Variants in CCZ1B observed in about 807,000 individuals in gnomAD.
CCZ1B encodes vacuolar fusion protein CCZ1 homolog B.
Under a neutral mutation model 58.8 loss-of-function variants are expected in CCZ1B, and 25 were observed. The ratio of observed to expected loss-of-function variants is 0.43; its 90% CI spans 0.31 to 0.59. The LOEUF is 0.59. Ranked by LOEUF, CCZ1B falls within the 20% of genes least tolerant of loss-of-function variation. The pLI, the probability that CCZ1B is intolerant of heterozygous loss-of-function variation, is 0.12. For missense variants in CCZ1B, 180 were observed against 501.5 expected (o/e 0.36, Z 6.12); for synonymous variants, 66 against 173.2 (o/e 0.38, Z 4.86).
At chr7:6,823,392 G>C (rs1449858292) in intron 4 of CCZ1B, 32 bp from the exon 5 acceptor site, 1 of 1,604,816 alleles carries the variant, frequency 6.2e-7, no homozygotes, top group Admixed American at 1.7e-5. Flanking sequence ...ACACAGCTCA[G>C]TTCAAGGGAA....
intron 7 of CCZ1B, among the ~76,000 whole-genome samples, chr7:6,818,223 T>C (rs1287532740): frequency 6.7e-6 from 1 of 149,670 alleles, no homozygotes; most frequent in Non-Finnish European, 1.5e-5. Flanking sequence ...ACTTACCTTA[T>C]AGTAGTACCA....
At chr7:6,810,337 G>A (rs1438491301) in intron 10 of CCZ1B, among the ~76,000 whole-genome samples, 1 of 149,092 alleles carries the variant, frequency 6.7e-6, no homozygotes, top group Non-Finnish European at 1.5e-5. Flanking sequence ...TGTCTTATCT[G>A]TGGTTGACAG....
intron 5 of CCZ1B, 26 bp downstream of exon 5, chr7:6,823,287 G>A: frequency 6.2e-7 from 1 of 1,604,968 alleles, no homozygotes; most frequent in Non-Finnish European, 8.5e-7. Context: ...GTTGGACTCT[G>A]AGTTGAGAAA....
chr7:6,820,922 A>T (rs1783099069), intron 6 of CCZ1B, among the ~76,000 whole-genome samples: 1 of 147,970 alleles, frequency 6.8e-6, no homozygotes, highest in African/African-American at 2.6e-5. Flanking sequence ...TCTCAAAAAA[A>T]AAAAAAAAAA....
At chr7:6,800,781 GT>G (rs1782755461) in intron 14 of CCZ1B, among the ~76,000 whole-genome samples, 166 bp downstream of exon 14, 1 of 131,554 alleles carries the variant, frequency 7.6e-6, no homozygotes, top group Non-Finnish European at 1.6e-5. Flanking sequence ...GGAAGGTCTT[GT>G]CATAGTTTTC....
At chr7:6,810,178 A>C (rs1353635823) in intron 10 of CCZ1B, among the ~76,000 whole-genome samples, 1 of 148,804 alleles carries the variant, frequency 6.7e-6, no homozygotes, top group Non-Finnish European at 1.5e-5. Context: ...CACCTGGCTG[A>C]TTTTTTGTAT....
rs548089447 is a variant in CCZ1B, at chr7:6,813,818, G to A, written c.781-781C>T. 8.4e-5 allele frequency among the ~76,000 whole-genome samples: 12 copies of A among 143,416 alleles called. 1 individual carries two copies. Among genetic ancestry groups the A allele is most frequent in the East Asian group, 3.9e-4 (2 of 5,112 alleles). 94.1% of individuals were successfully genotyped at this position (143,416 alleles called of 152,430 possible). A position where few individuals can be genotyped will look rare whatever the true frequency, so the allele number is the denominator to read the frequency against. Reference sequence around the variant, plus strand: ...CAGGTTGATTGTTTTAAAGATCACTGGCATTTTAAAGGTTTCTAGAACCCA... The same window carrying A: ...CAGGTTGATTGTTTTAAAGATCACTAGCATTTTAAAGGTTTCTAGAACCCA... On this transcript the variant is annotated intron_variant, in intron 8 of 14. Transcript: ENST00000316731.
intron 6 of CCZ1B, among the ~76,000 whole-genome samples, chr7:6,821,735 A>AG (rs1298344021): frequency 6.6e-5 from 10 of 150,598 alleles, no homozygotes. Flanking sequence ...TTAAAAAAAA[A>AG]GATAAACTGA....
rs1164782808 is a variant in CCZ1B, at chr7:6,811,849, T to C, written c.954+103A>G. On this transcript the variant is annotated intron_variant, in intron 10 of 14. Coordinates refer to ENST00000316731, the MANE Select transcript of CCZ1B (RefSeq NM_198097.5). Reference sequence around the variant, plus strand: ...ACCATAATCAGAACTTCCAATATCTTTTCCAAGAAACATTTAAGAGGTTTG... The same window carrying C: ...ACCATAATCAGAACTTCCAATATCTCTTCCAAGAAACATTTAAGAGGTTTG... The C allele has an allele frequency of 3.1e-6, 3 of 961,302 alleles. 1 individual carries two copies. Among genetic ancestry groups the C allele is most frequent in the Admixed American group, 5.9e-5 (2 of 34,172 alleles). The allele number at this position is 961,302 out of a possible 1,614,324, so 59.5% of individuals were successfully genotyped here. A position where few individuals can be genotyped will look rare whatever the true frequency, so the allele number is the denominator to read the frequency against.
Position 6,824,073 on chromosome 7 carries a change from A to G in CCZ1B, c.390+16T>C. The G allele has an allele frequency of 1.5e-6, 2 of 1,369,382 alleles. No individual in the cohort carries two copies. Among genetic ancestry groups the G allele is most frequent in the Non-Finnish European group, 2.0e-6 (2 of 1,015,610 alleles). The allele number at this position is 1,369,382 out of a possible 1,614,324, so 84.8% of individuals were successfully genotyped here. A position where few individuals can be genotyped will look rare whatever the true frequency, so the allele number is the denominator to read the frequency against. ...ATTTAAAAAAATAAATAAATAAACA[A>G]ACAATGACACATTACCAACAACTCC... On this transcript the variant is annotated intron_variant, in intron 4 of 14. Transcript: ENST00000316731.
chr7:6,813,180 C>A, intron 8 of CCZ1B, 143 bp from the exon 9 acceptor site: 4 of 1,479,660 alleles, frequency 2.7e-6, no homozygotes, highest in Non-Finnish European at 3.7e-6. Context: ...GTTGCCCAGG[C>A]TGGAATGCAT....
rs1485793739 is a variant in CCZ1B at position 6,814,169 on chromosome 7, T to A, written c.780+595A>T. Among the ~76,000 whole-genome samples, 7 of 148,672 alleles carry A rather than the reference T, an allele frequency of 4.7e-5. No individual in the cohort carries two copies. The East Asian group carries it at 1.2e-3, about 25-fold the overall frequency. On this transcript the variant is annotated intron_variant, in intron 8 of 14. Transcript: ENST00000316731. ...CCCAATAAATAAATAAATAAATAAATAAAATAAAATACATAAATTAAAAGT... is the reference window on the plus strand; with the variant it reads ...CCCAATAAATAAATAAATAAATAAAAAAAATAAAATACATAAATTAAAAGT...
chr7:6,817,509 C>G (rs1490243982), intron 7 of CCZ1B, among the ~76,000 whole-genome samples: 4 of 149,764 alleles, frequency 2.7e-5, no homozygotes, highest in Non-Finnish European at 5.9e-5. Context: ...ATCGCCGTGG[C>G]TGCGTGTGAT....
intron 6 of CCZ1B, among the ~76,000 whole-genome samples, chr7:6,820,335 T>C (rs1783088527): frequency 6.7e-6 from 1 of 149,290 alleles, no homozygotes; most frequent in South Asian, 2.1e-4. Context: ...CCTGCCACCA[T>C]GCCCAGCTAT....
chr7:6,823,941 C>G (rs1391690552), intron 4 of CCZ1B, 148 bp downstream of exon 4: 2 of 620,742 alleles, frequency 3.2e-6, no homozygotes. Context: ...AGATTGTGCT[C>G]ATGTAAATGA....
intron 3 of CCZ1B, 83 bp from the exon 4 acceptor site, chr7:6,824,249 G>A (rs1583558726): frequency 6.4e-7 from 1 of 1,560,788 alleles, no homozygotes; most frequent in African/African-American, 1.4e-5. Context: ...CTTTGAACAT[G>A]CTACAGCACC....
In CCZ1B at chr7:6,818,406, G is replaced by A. The variant is rs185381545; in HGVS notation, c.698+1360C>T. Among the ~76,000 whole-genome samples, 57 of 149,204 alleles carry A rather than the reference G, an allele frequency of 3.8e-4. 2 individuals are homozygous for A. Among genetic ancestry groups the A allele is most frequent in the Admixed American group, 2.3e-3 (35 of 14,986 alleles). ...TGTACTGAAAATACAAAAATTAGCC[G>A]GGCATGGTGGCATATGCCTGTAATC... On this transcript the variant is annotated intron_variant, in intron 7 of 14. Transcript: ENST00000316731.
chr7:6,823,254 G>A, intron 5 of CCZ1B, 59 bp downstream of exon 5: 3 of 1,595,860 alleles, frequency 1.9e-6, no homozygotes, highest in Non-Finnish European at 2.6e-6. Flanking sequence ...AACAACCCTG[G>A]AGCCTAGAGA....
At chr7:6,824,951 G>A (rs1783171076) in intron 1 of CCZ1B, among the ~76,000 whole-genome samples, 1 of 148,708 alleles carries the variant, frequency 6.7e-6, no homozygotes, top group Admixed American at 6.7e-5. Flanking sequence ...ACCAGCATGG[G>A]CAACACAGTG....
Sources: gnomAD v4.1 joint callset for allele counts (sites outside exome capture counted in the v4.1 genomes callset) on GRCh38, gnomAD v4.1.1 for gene constraint, MANE v1.5 for transcripts, NCBI Gene and HGNC (gene_info 2026-07-23, HGNC 2026-07-21) for gene names.